Variants in SLC10A7 observed in about 807,000 individuals in gnomAD.
SLC10A7 encodes the protein solute carrier family 10 member 7.
A neutral mutation model predicts 43.2 loss-of-function variants in SLC10A7; 29 were observed. The ratio of observed to expected loss-of-function variants is 0.67; its 90% CI spans 0.50 to 0.92. The LOEUF (loss-of-function observed/expected upper bound fraction) is 0.92. SLC10A7 is among the 40% of genes least tolerant of loss of function. SLC10A7 has a pLI of 0.00. For missense variants in SLC10A7, 295 were observed against 403.2 expected (o/e 0.73, Z 2.30); for synonymous variants, 152 against 144.8 (o/e 1.05, Z -0.35).
intron 5 of SLC10A7, among the ~76,000 whole-genome samples, chr4:146,349,945 C>T (rs1469055819): frequency 6.6e-6 from 1 of 151,966 alleles, no homozygotes; most frequent in African/African-American, 2.4e-5. Context: ...TTTCATATAC[C>T]CTAGTAACAG....
At chr4:146,520,695 C>G (rs951841724) in intron 1 of SLC10A7, among the ~76,000 whole-genome samples, 1 of 152,174 alleles carries the variant, frequency 6.6e-6, no homozygotes, top group African/African-American at 2.4e-5. Flanking sequence ...TCACCTCTAT[C>G]CTTATTTGCT....
chr4:146,335,652 C>T (rs190349638), intron 5 of SLC10A7, among the ~76,000 whole-genome samples: 31 of 152,112 alleles, frequency 2.0e-4, no homozygotes, highest in Middle Eastern at 3.4e-3. Context: ...TTATCAAGCC[C>T]ATTATTGCTC....
intron 4 of SLC10A7, among the ~76,000 whole-genome samples, chr4:146,481,379 G>A (rs1299105033): frequency 6.6e-6 from 1 of 151,838 alleles, no homozygotes; most frequent in Non-Finnish European, 1.5e-5. Flanking sequence ...AAGCCAAAGT[G>A]GCATCTTACC....
chr4:146,273,804 C>G (rs141347610), intron 10 of SLC10A7, among the ~76,000 whole-genome samples: 1 of 152,066 alleles, frequency 6.6e-6, no homozygotes, highest in East Asian at 1.9e-4. Context: ...ACTGAAACTC[C>G]CTCCCGCCGA....
At chr4:146,329,848 C>G (rs533615761) in intron 5 of SLC10A7, among the ~76,000 whole-genome samples, 1 of 152,298 alleles carries the variant, frequency 6.6e-6, no homozygotes, top group Admixed American at 6.5e-5. Context: ...ATGTTATTTT[C>G]TTTTGAGTAT....
intron 5 of SLC10A7, among the ~76,000 whole-genome samples, chr4:146,367,032 A>G (rs1344932475): frequency 6.6e-6 from 1 of 150,648 alleles, no homozygotes; most frequent in Non-Finnish European, 1.5e-5. Context: ...TGTTTTTGCC[A>G]TTCATCATGG....
intron 10 of SLC10A7, among the ~76,000 whole-genome samples, chr4:146,276,689 C>A (rs1729225676): frequency 6.6e-6 from 1 of 152,268 alleles, no homozygotes; most frequent in East Asian, 1.9e-4. Context: ...GTGGCTCATA[C>A]TTGTAATCCC....
chr4:146,277,423 T>C (rs1036497103), intron 10 of SLC10A7, among the ~76,000 whole-genome samples: 31 of 152,212 alleles, frequency 2.0e-4, no homozygotes, highest in African/African-American at 6.8e-4. Flanking sequence ...CTCTAAAGAA[T>C]ATTATTGTAT....
chr4:146,354,775 C>G (rs1409275251), intron 5 of SLC10A7, among the ~76,000 whole-genome samples: 3 of 146,524 alleles, frequency 2.0e-5, no homozygotes, highest in Non-Finnish European at 1.5e-5. Flanking sequence ...CTGAGAAAAA[C>G]AAGCAATGGG....
At chr4:146,346,315 A>G (rs1290522471) in intron 5 of SLC10A7, among the ~76,000 whole-genome samples, 2 of 152,146 alleles carry the variant, frequency 1.3e-5, no homozygotes, top group South Asian at 4.1e-4. Context: ...GTAGCTTTTT[A>G]TGTTTCATTG....
rs1727900429 is a variant in SLC10A7, at chr4:146,256,607, T to C, written c.994-87A>G. On this transcript the variant is annotated intron_variant, in intron 11 of 11. Transcript: ENST00000335472. Reference sequence around the variant, plus strand: ...ATTAACACCAGATAATTTATGCTATTAGAAGGAAGAAGAGGCCCACCCAGA... The same window carrying C: ...ATTAACACCAGATAATTTATGCTATCAGAAGGAAGAAGAGGCCCACCCAGA... The C allele has an allele frequency of 7.5e-6, 11 of 1,465,748 alleles. No individual in the cohort carries two copies. The South Asian group carries it at 1.3e-4, about 17-fold the overall frequency. 90.8% of individuals were successfully genotyped at this position (1,465,748 alleles called of 1,614,324 possible).
intron 4 of SLC10A7, among the ~76,000 whole-genome samples, chr4:146,470,997 T>C (rs1051041094): frequency 4.6e-5 from 7 of 152,218 alleles, no homozygotes; most frequent in Admixed American, 6.5e-5. Flanking sequence ...CAACTATATA[T>C]TGTCATTTTA....
At chr4:146,336,418 T>C (rs1266460919) in intron 5 of SLC10A7, among the ~76,000 whole-genome samples, 1 of 152,164 alleles carries the variant, frequency 6.6e-6, no homozygotes, top group Non-Finnish European at 1.5e-5. Context: ...TGACCCATTC[T>C]TTAATTTTTC....
intron 5 of SLC10A7, among the ~76,000 whole-genome samples, chr4:146,429,403 AT>A (rs547501815): frequency 1.1e-4 from 16 of 152,324 alleles, no homozygotes; most frequent in Middle Eastern, 3.4e-3. Context: ...TTCATCTAAT[AT>A]TTTTTGAAAG....
At chr4:146,292,841 T>A in intron 9 of SLC10A7, 88 bp downstream of exon 9, 1 of 895,480 alleles carries the variant, frequency 1.1e-6, no homozygotes, top group African/African-American at 1.7e-5. Context: ...GAGAAAAAAA[T>A]ATAAACGTGT....
intron 4 of SLC10A7, 108 bp downstream of exon 4, chr4:146,503,741 C>A: frequency 1.1e-6 from 1 of 937,250 alleles, no homozygotes; most frequent in South Asian, 1.4e-5. Context: ...GCTGCTATGG[C>A]TAGGAGTTTT....
At chr4:146,335,142 TTTTTGTTTTG>T (rs535672037) in intron 5 of SLC10A7, among the ~76,000 whole-genome samples, 4 of 151,306 alleles carry the variant, frequency 2.6e-5, no homozygotes, top group South Asian at 2.1e-4. Flanking sequence ...TAGTTGAAGG[TTTTTGTTTTG>T]TTTTGTTTTG....
At chr4:146,461,756 A>G (rs1404832629) in intron 4 of SLC10A7, among the ~76,000 whole-genome samples, 2 of 151,542 alleles carry the variant, frequency 1.3e-5, no homozygotes, top group Middle Eastern at 3.2e-3. Flanking sequence ...TGAAAATCAG[A>G]ACAAACTCAA....
At chr4:146,436,549 T>C (rs1012952246) in intron 5 of SLC10A7, among the ~76,000 whole-genome samples, 8 of 152,122 alleles carry the variant, frequency 5.3e-5, no homozygotes, top group Non-Finnish European at 1.0e-4. Flanking sequence ...CCAAATAATT[T>C]TAATTCACTT....
Sources: allele counts gnomAD v4.1 joint callset (sites outside exome capture counted in the v4.1 genomes callset), GRCh38; gene constraint gnomAD v4.1.1; transcripts MANE v1.5; gene names NCBI Gene and HGNC (gene_info 2026-07-23, HGNC 2026-07-21).